The following DLGAP2 variants were observed in gnomAD, a reference collection of about 807,000 sequenced individuals.
DLGAP2 encodes the protein disks large-associated protein 2.
DLGAP2 carries 26 observed loss-of-function variants against 100.3 expected under a neutral mutation model. The ratio of observed to expected loss-of-function variants is 0.26; its 90% CI spans 0.19 to 0.36. DLGAP2 has a LOEUF of 0.36. DLGAP2 is among the 10% of genes least tolerant of loss of function. DLGAP2 has a pLI of 1.00. For missense variants in DLGAP2, 1,858 were observed against 1,453.2 expected (o/e 1.28, Z -4.53); for synonymous variants, 886 against 630.1 (o/e 1.41, Z -6.08).
chr8:1,550,128 G>A (rs1349443299), intron 5 of DLGAP2, among the ~76,000 whole-genome samples: 1 of 152,190 alleles, frequency 6.6e-6, no homozygotes, highest in Non-Finnish European at 1.5e-5. Context: ...GCCTCTATCT[G>A]TGTGCGCCGG....
chr8:883,424 T>G (rs904419656), intron 1 of DLGAP2: 4 of 152,156 alleles, frequency 2.6e-5, no homozygotes, highest in African/African-American at 9.7e-5. Flanking sequence ...ACATAGAAAT[T>G]TAGAATAATG....
At chr8:924,089 G>C (rs902374954) in intron 2 of DLGAP2, among the ~76,000 whole-genome samples, 1 of 152,216 alleles carries the variant, frequency 6.6e-6, no homozygotes, top group Non-Finnish European at 1.5e-5. Context: ...ATAAACATGA[G>C]AAGTGCACGT....
At chr8:1,337,315 G>A (rs1169841062) in intron 3 of DLGAP2, among the ~76,000 whole-genome samples, 1 of 108,780 alleles carries the variant, frequency 9.2e-6, no homozygotes. Context: ...TGATGTGATG[G>A]TGAGAATGAT....
At chr8:1,191,297 A>C (rs1368041806) in intron 2 of DLGAP2, among the ~76,000 whole-genome samples, 1 of 151,088 alleles carries the variant, frequency 6.6e-6, no homozygotes, top group East Asian at 1.9e-4. Context: ...CAGCCTCCCG[A>C]GTAGCTGGGA....
chr8:1,207,681 C>G lies in DLGAP2; in HGVS notation c.74-51170C>G, dbSNP rs536875541. Among the ~76,000 whole-genome samples, 3 of 152,304 alleles carry G rather than the reference C, an allele frequency of 2.0e-5. No individual in the cohort carries two copies. The South Asian group carries it at 6.2e-4, about 32-fold the overall frequency. ...GTGGTTGTACTAGTTTACATTCCCA[C>G]CAGCAGTGTAGAAGTGTTCCCTGTT... On this transcript the variant is annotated intron_variant, in intron 2 of 14. Transcript: ENST00000637795.
At position 1,417,735 on chromosome 8, in the gene DLGAP2, G is replaced by A. The variant is rs552906303; in HGVS notation, c.107-83631G>A. Among the ~76,000 whole-genome samples, 45 of 143,542 alleles carry A rather than the reference G, an allele frequency of 3.1e-4. 4 individuals are homozygous for A. The highest frequency in any genetic ancestry group is 1.1e-3 in the African/African-American group (42 of 38,570). The allele number at this position is 143,542 out of a possible 152,430, so 94.2% of individuals were successfully genotyped here. A position where few individuals can be genotyped will look rare whatever the true frequency, so the allele number is the denominator to read the frequency against. Reference sequence around the variant, plus strand: ...ACTCGGCGAGGCTCCAGACACAGAAGCCCACGGAGACCTATGAACGGACCA... The same window carrying A: ...ACTCGGCGAGGCTCCAGACACAGAAACCCACGGAGACCTATGAACGGACCA... On this transcript the variant is annotated intron_variant, in intron 3 of 14. Transcript: ENST00000637795.
intron 2 of DLGAP2, among the ~76,000 whole-genome samples, chr8:1,038,295 C>G (rs897911499): frequency 6.6e-6 from 1 of 152,008 alleles, no homozygotes; most frequent in Non-Finnish European, 1.5e-5. Flanking sequence ...TTTTTCCTTC[C>G]AAGTGTCCTT....
In DLGAP2 at chr8:1,678,495, A is replaced by T. The variant is rs748279263; in HGVS notation, c.2570A>T (p.Glu857Val). 1 of 1,612,714 alleles carries T rather than the reference A, an allele frequency of 6.2e-7. No individual in the cohort carries two copies. The highest frequency in any genetic ancestry group is 1.1e-5 in the South Asian group (1 of 90,852). ...CTGGAGCCCGCCATCGACACGGTAGAGACTGGGAGGATGTCTCCGTGCCGC... is the reference window on the plus strand; with the variant it reads ...CTGGAGCCCGCCATCGACACGGTAGTGACTGGGAGGATGTCTCCGTGCCGC... ...PWLEPAIDTV[E>V]TGRMSPCRRD... The change falls in exon 12 of 15, where the codon GAG becomes GTG. Residue 857 changes from glutamate (E) to valine (V), a missense_variant. Transcript: ENST00000637795.
intron 3 of DLGAP2, among the ~76,000 whole-genome samples, chr8:1,356,659 C>T (rs1003782091): frequency 1.1e-4 from 16 of 152,262 alleles, no homozygotes; most frequent in Middle Eastern, 6.8e-3. Flanking sequence ...GAAACCGTGA[C>T]GGTTGGTGAA....
chr8:952,316 T>C (rs1161561252), intron 2 of DLGAP2, among the ~76,000 whole-genome samples: 1 of 152,208 alleles, frequency 6.6e-6, no homozygotes, highest in Non-Finnish European at 1.5e-5. Context: ...AGAGCTTCTG[T>C]TTATGTCTCT....
chr8:825,231 A>AC (rs900425428), intron 1 of DLGAP2, among the ~76,000 whole-genome samples: 2 of 152,188 alleles, frequency 1.3e-5, no homozygotes, highest in African/African-American at 4.8e-5. Flanking sequence ...CTGAGAACCA[A>AC]GTACCTGTGG....
chr8:1,068,939 C>T (rs781713759), intron 2 of DLGAP2, among the ~76,000 whole-genome samples: 10 of 152,118 alleles, frequency 6.6e-5, no homozygotes, highest in Non-Finnish European at 1.0e-4. Flanking sequence ...GGGCTCAGGG[C>T]AGGTTCTGGC....
chr8:1,432,671 C>G (rs181753419), intron 3 of DLGAP2, among the ~76,000 whole-genome samples: 265 of 152,330 alleles, frequency 1.7e-3, no homozygotes, highest in Non-Finnish European at 2.0e-3. Context: ...TGGCCCTGAG[C>G]TGTTCTCTTC....
At chr8:1,275,604 C>G (rs1799666672) in intron 3 of DLGAP2, among the ~76,000 whole-genome samples, 1 of 150,300 alleles carries the variant, frequency 6.7e-6, no homozygotes, top group East Asian at 1.9e-4. Context: ...TGCAAAACCT[C>G]TATTTGTAAG....
At chr8:1,392,900 G>C (rs1223544607) in intron 3 of DLGAP2, among the ~76,000 whole-genome samples, 1 of 131,784 alleles carries the variant, frequency 7.6e-6, no homozygotes, top group South Asian at 2.7e-4. Context: ...TTTTTTTTTT[G>C]AGACGGAGTC....
At chr8:1,031,502 C>G (rs1801971374) in intron 2 of DLGAP2, among the ~76,000 whole-genome samples, 2 of 152,058 alleles carry the variant, frequency 1.3e-5, no homozygotes, top group Admixed American at 1.3e-4. Context: ...GCCTCAACCT[C>G]CCGGGCTCAA....
chr8:877,798 T>C (rs568812128), intron 1 of DLGAP2, among the ~76,000 whole-genome samples: 1 of 152,204 alleles, frequency 6.6e-6, no homozygotes, highest in Admixed American at 6.5e-5. Flanking sequence ...GAGGTTTGGC[T>C]CCTTTGGAAA....
chr8:1,171,253 G>C (rs62488966), intron 2 of DLGAP2, among the ~76,000 whole-genome samples: 20 of 152,156 alleles, frequency 1.3e-4, no homozygotes, highest in Admixed American at 8.5e-4. Context: ...GAGATAGTTT[G>C]TTATAATTTC....
intron 2 of DLGAP2, among the ~76,000 whole-genome samples, chr8:954,234 C>T (rs1204313422): frequency 6.6e-6 from 1 of 152,188 alleles, no homozygotes; most frequent in Non-Finnish European, 1.5e-5. Context: ...CTATTCTCAG[C>T]ACATTTTATG....
Sources: allele counts gnomAD v4.1 joint callset (sites outside exome capture counted in the v4.1 genomes callset), GRCh38; gene constraint gnomAD v4.1.1; transcripts MANE v1.5; gene names NCBI Gene and HGNC (gene_info 2026-07-23, HGNC 2026-07-21).